The following DNAJA1 variants were observed in gnomAD, a reference collection of about 807,000 sequenced individuals.
DNAJA1 encodes the protein dnaJ homolog subfamily A member 1.
Under a neutral mutation model 47.6 loss-of-function variants are expected in DNAJA1, and 26 were observed. The observed-to-expected ratio is 0.55, with a 90% confidence interval of 0.40 to 0.76. The LOEUF (loss-of-function observed/expected upper bound fraction) is 0.76. DNAJA1 is among the 30% of genes least tolerant of loss of function. The probability of loss-of-function intolerance (pLI) is 0.00; values close to 1 mark genes in which losing one functional copy is unlikely to be tolerated. For synonymous variants in DNAJA1, 165 were observed against 158.4 expected, an observed-to-expected ratio of 1.04 and a Z score of -0.31; for missense variants, 315 against 485.0, an observed-to-expected ratio of 0.65 and a Z score of 3.29.
At chr9:33,030,238 A>G (rs528197125) in intron 4 of DNAJA1, among the ~76,000 whole-genome samples, 1 of 134,628 alleles carries the variant, frequency 7.4e-6, no homozygotes, top group East Asian at 2.0e-4. Context: ...CTTTTTTGTA[A>G]TAAGTAAAAT....
At chr9:33,027,683 C>T (rs1286518341) in intron 3 of DNAJA1, among the ~76,000 whole-genome samples, 2 of 151,952 alleles carry the variant, frequency 1.3e-5, no homozygotes, top group Admixed American at 1.3e-4. Context: ...GAAACCCCAT[C>T]TCTACAAAAC....
At chr9:33,035,593 C>A (rs566348525) in intron 6 of DNAJA1, among the ~76,000 whole-genome samples, 1 of 152,206 alleles carries the variant, frequency 6.6e-6, no homozygotes, top group Admixed American at 6.5e-5. Context: ...CCTCAGCCTC[C>A]CGAGTAGCTG....
intron 8 of DNAJA1, among the ~76,000 whole-genome samples, chr9:33,038,027 G>A (rs988308845): frequency 6.7e-6 from 1 of 150,052 alleles, no homozygotes; most frequent in Non-Finnish European, 1.5e-5. Context: ...TTTTTGAGAC[G>A]GGAGTCTTGT....
At chr9:33,025,663 C>T (rs1302114636) in intron 1 of DNAJA1, among the ~76,000 whole-genome samples, 3 of 151,676 alleles carry the variant, frequency 2.0e-5, no homozygotes, top group Non-Finnish European at 4.4e-5. Context: ...GTGCGCGCCC[C>T]CGCGGCCCCC....
chr9:33,029,533 G>A (rs1564012508), intron 3 of DNAJA1, among the ~76,000 whole-genome samples: 1 of 152,226 alleles, frequency 6.6e-6, no homozygotes, highest in Non-Finnish European at 1.5e-5. Context: ...AATATATTGT[G>A]ACAGAAATGA....
At chr9:33,025,641 G>C (rs1433978762) in intron 1 of DNAJA1, among the ~76,000 whole-genome samples, 1 of 152,108 alleles carries the variant, frequency 6.6e-6, no homozygotes, top group Non-Finnish European at 1.5e-5. Context: ...TACTGTCTTC[G>C]GCTGCCCCTC....
intron 1 of DNAJA1, among the ~76,000 whole-genome samples, chr9:33,025,684 G>A (rs1427833517): frequency 7.1e-6 from 1 of 140,092 alleles, no homozygotes; most frequent in Non-Finnish European, 1.6e-5. Flanking sequence ...CTCCCCGTCC[G>A]TGCTCGCTCG....
At chr9:33,033,549 T>G (rs1406982818) in intron 5 of DNAJA1, among the ~76,000 whole-genome samples, 1 of 151,188 alleles carries the variant, frequency 6.6e-6, no homozygotes, top group Non-Finnish European at 1.5e-5. Context: ...AAAAAAAAAT[T>G]CAAAAATTAG....
chr9:33,026,436 C>T (rs1838853314), intron 1 of DNAJA1, 39 bp from the exon 2 acceptor site: 2 of 1,574,140 alleles, frequency 1.3e-6, no homozygotes, highest in South Asian at 2.4e-5. Context: ...TAAAAGCTAC[C>T]AGTTGAAAGC....
intron 3 of DNAJA1, 68 bp from the exon 4 acceptor site, chr9:33,029,817 T>C (rs1838932342): frequency 7.7e-7 from 1 of 1,299,014 alleles, no homozygotes; most frequent in Non-Finnish European, 1.1e-6. Flanking sequence ...ACATTCTTTA[T>C]AGTGCCTTTA....
chr9:33,037,929 G>A (rs1214641771), intron 8 of DNAJA1, among the ~76,000 whole-genome samples: 1 of 151,928 alleles, frequency 6.6e-6, no homozygotes, highest in Non-Finnish European at 1.5e-5. Context: ...TTTGTTAATA[G>A]GTATAAAGCA....
chr9:33,026,793 ACTC>A lies in DNAJA1; in HGVS notation c.133-16_133-14del, dbSNP rs757734047. The A allele has an allele frequency of 1.9e-6, 3 of 1,602,790 alleles. No homozygotes were observed. Among genetic ancestry groups the A allele is most frequent in the Admixed American group, 3.5e-5 (2 of 56,380 alleles). On this transcript the variant is annotated splice_polypyrimidine_tract_variant and intron_variant, in intron 2 of 8. Transcript: ENST00000330899. ...ACTTGTTTTTTAAAAAATGAAATTC[ACTC>A]CTCTTTTCTCAAACAGTTTAAACAG...
intron 7 of DNAJA1, 77 bp from the exon 8 acceptor site, chr9:33,036,938 G>C: frequency 7.6e-7 from 1 of 1,312,504 alleles, no homozygotes; most frequent in Non-Finnish European, 1.1e-6. Context: ...AGCTAGGACA[G>C]TGCTCTGTTC....
intron 8 of DNAJA1, among the ~76,000 whole-genome samples, chr9:33,037,871 T>C (rs1182004182): frequency 6.6e-6 from 1 of 152,094 alleles, no homozygotes; most frequent in East Asian, 1.9e-4. Flanking sequence ...AGTTGAGAGG[T>C]GCTTTATAAT....
At chr9:33,025,556 C>T (rs1307762354) in intron 1 of DNAJA1, among the ~76,000 whole-genome samples, 173 bp downstream of exon 1, 1 of 152,228 alleles carries the variant, frequency 6.6e-6, no homozygotes, top group East Asian at 1.9e-4. Flanking sequence ...CAACCCATCC[C>T]CGGCACGCAC....
At chr9:33,038,533 C>A (rs1395551165) in intron 8 of DNAJA1, 152 bp from the exon 9 acceptor site, 3 of 647,864 alleles carry the variant, frequency 4.6e-6, no homozygotes, top group Non-Finnish European at 8.0e-6. Context: ...GTGCTATGCA[C>A]TGTGCCTTTT....
rs1587702027 is a variant in DNAJA1 at position 33,039,143 on chromosome 9, C to A, written c.*240C>A. On this transcript the variant is annotated 3_prime_UTR_variant, in exon 9 of 9. Coordinates refer to ENST00000330899, the MANE Select transcript of DNAJA1 (RefSeq NM_001539.4). ...ACCTGTAAAAACTACAAAGAAGTTC[C>A]CCTAGCATTTCTAGGCCAAACCTTG... 2 of 494,136 alleles carry A rather than the reference C, an allele frequency of 4.0e-6. No individual in the cohort carries two copies. Among genetic ancestry groups the A allele is most frequent in the Non-Finnish European group, 7.3e-6 (2 of 275,252 alleles). 30.6% of individuals were successfully genotyped at this position (494,136 alleles called of 1,614,324 possible).
chr9:33,030,196 T>TA (rs1838938903), intron 4 of DNAJA1, among the ~76,000 whole-genome samples: 1 of 152,166 alleles, frequency 6.6e-6, no homozygotes, highest in African/African-American at 2.4e-5. Context: ...GTGTATATTT[T>TA]AAATACAGTT....
intron 6 of DNAJA1, chr9:33,036,291 C>A: frequency 1.8e-5 from 3 of 162,548 alleles, no homozygotes; most frequent in Non-Finnish European, 3.9e-5. Context: ...CTCTGAGAAA[C>A]CAGATTTAAA....
Sources: allele counts gnomAD v4.1 joint callset (sites outside exome capture counted in the v4.1 genomes callset), GRCh38; gene constraint gnomAD v4.1.1; transcripts MANE v1.5; gene names NCBI Gene and HGNC (gene_info 2026-07-23, HGNC 2026-07-21).